The following DLG2 variants were observed in gnomAD, a reference collection of about 807,000 sequenced individuals.
DLG2 encodes the protein disks large homolog 2.
Under a neutral mutation model 132.5 loss-of-function variants are expected in DLG2, and 45 were observed. The observed-to-expected ratio is 0.34, with a 90% CI of 0.27 to 0.44. The LOEUF (loss-of-function observed/expected upper bound fraction) is 0.44, where lower values mean the gene tolerates loss of function less well. Ranked by LOEUF, DLG2 falls within the 20% of genes least tolerant of loss-of-function variation. The pLI is 1.00. For missense variants in DLG2, 1,045 were observed against 1,196.9 expected (o/e 0.87, Z 1.87); for synonymous variants, 424 against 419.6 (o/e 1.01, Z -0.13).
rs191869655 is a variant in DLG2, at chr11:85,506,198, T to C, written c.40+92459A>G. Among the ~76,000 whole-genome samples the C allele has an allele frequency of 3.5e-3, 539 of 152,320 alleles. 1 individual carries two copies. Among genetic ancestry groups the C allele is most frequent in the African/African-American group, 0.013 (523 of 41,568 alleles). ...GATTCATTGATTTTTTGAAGGGTTT[T>C]TTGTATCTCTGTCTCCTTCAGTTCT... On this transcript the variant is annotated intron_variant, in intron 3 of 27. Coordinates refer to ENST00000376104, the MANE Select transcript of DLG2 (RefSeq NM_001142699.3).
intron 18 of DLG2, among the ~76,000 whole-genome samples, chr11:83,754,768 G>T (rs1045912211): frequency 1.3e-5 from 2 of 151,480 alleles, no homozygotes; most frequent in South Asian, 4.1e-4. Flanking sequence ...ATGTGAAAAA[G>T]AAGTCATTAG....
At chr11:84,703,887 C>CGTGTGTGTGTGTGTGTGTGTGTGT (rs370287195) in intron 6 of DLG2, among the ~76,000 whole-genome samples, 1 of 114,746 alleles carries the variant, frequency 8.7e-6, no homozygotes, top group South Asian at 2.9e-4. Context: ...TATATATACA[C>CGTGTGTGTGTGTGTGTGTGTGTGT]GTGTGTGTGT....
intron 22 of DLG2, among the ~76,000 whole-genome samples, chr11:83,473,595 A>G (rs1241846406): frequency 6.6e-6 from 1 of 152,102 alleles, no homozygotes; most frequent in African/African-American, 2.4e-5. Flanking sequence ...CAAACCCGGA[A>G]GTGTCTGCAT....
intron 6 of DLG2, among the ~76,000 whole-genome samples, chr11:84,699,516 C>T (rs77876165): frequency 0.011 from 1,593 of 151,580 alleles, 12 homozygotes; most frequent in African/African-American, 0.018. Context: ...CCTAGACTAA[C>T]TCAAGCAAAG....
At chr11:84,651,734 A>G (rs1443406813) in intron 6 of DLG2, among the ~76,000 whole-genome samples, 3 of 152,190 alleles carry the variant, frequency 2.0e-5, no homozygotes, top group African/African-American at 7.2e-5. Flanking sequence ...TGTGACTTGT[A>G]TAATCTATGG....
chr11:85,295,501 T>C (rs2152779781), intron 3 of DLG2, among the ~76,000 whole-genome samples: 1 of 152,266 alleles, frequency 6.6e-6, no homozygotes, highest in Non-Finnish European at 1.5e-5. Flanking sequence ...TACACCCATG[T>C]TAGAGATGGA....
intron 3 of DLG2, among the ~76,000 whole-genome samples, chr11:85,493,100 C>G (rs757665612): frequency 7.9e-5 from 12 of 151,994 alleles, no homozygotes; most frequent in Non-Finnish European, 1.6e-4. Context: ...GTTGAAATAA[C>G]CAGAAACAAC....
At chr11:84,850,055 T>G (rs117287296) in intron 6 of DLG2, among the ~76,000 whole-genome samples, 7,661 of 152,174 alleles carry the variant, frequency 0.05, 230 homozygotes, top group Middle Eastern at 0.11. Flanking sequence ...TGATTAAAAA[T>G]TCCTTGATGG....
chr11:84,062,108 A>AT (rs1481125052), intron 10 of DLG2, among the ~76,000 whole-genome samples: 2 of 152,056 alleles, frequency 1.3e-5, no homozygotes, highest in Non-Finnish European at 2.9e-5. Flanking sequence ...TTCAAACTCT[A>AT]TTTTTTTCCT....
chr11:85,191,172 A>ACACACG (rs1229312574), intron 4 of DLG2, among the ~76,000 whole-genome samples: 3 of 147,004 alleles, frequency 2.0e-5, no homozygotes, highest in African/African-American at 7.6e-5. Flanking sequence ...GCACACACAC[A>ACACACG]CACACACACA....
intron 7 of DLG2, among the ~76,000 whole-genome samples, chr11:84,406,800 A>G (rs191906357): frequency 3.9e-5 from 6 of 152,310 alleles, no homozygotes; most frequent in Admixed American, 6.5e-5. Flanking sequence ...CTGTTTTTCA[A>G]TATCCTTCCA....
intron 11 of DLG2, among the ~76,000 whole-genome samples, chr11:84,038,768 T>A (rs2095955342): frequency 6.6e-6 from 1 of 152,036 alleles, no homozygotes; most frequent in Non-Finnish European, 1.5e-5. Context: ...TGACTCTCAG[T>A]TCAGCATGGC....
At chr11:85,515,103 G>C (rs1337234702) in intron 3 of DLG2, among the ~76,000 whole-genome samples, 3 of 151,902 alleles carry the variant, frequency 2.0e-5, no homozygotes, top group Middle Eastern at 3.4e-3. Flanking sequence ...AACTGGAGTT[G>C]GTAGGAAATA....
chr11:85,441,324 C>A (rs1353250342), intron 3 of DLG2, among the ~76,000 whole-genome samples: 6 of 152,238 alleles, frequency 3.9e-5, no homozygotes, highest in Non-Finnish European at 8.8e-5. Flanking sequence ...GTACCATCAT[C>A]CACACTTTCA....
At chr11:83,826,026 A>G (rs1379482889) in intron 17 of DLG2, among the ~76,000 whole-genome samples, 1 of 152,184 alleles carries the variant, frequency 6.6e-6, no homozygotes, top group Non-Finnish European at 1.5e-5. Context: ...GGCAGGGGCC[A>G]GACTCTGCAA....
intron 8 of DLG2, among the ~76,000 whole-genome samples, chr11:84,171,942 A>G (rs1014113569): frequency 1.3e-5 from 2 of 152,196 alleles, no homozygotes; most frequent in African/African-American, 4.8e-5. Flanking sequence ...TTCACTAAAG[A>G]TAGTGACCAA....
chr11:85,101,765 G>A (rs545059668), intron 6 of DLG2, among the ~76,000 whole-genome samples: 119 of 152,112 alleles, frequency 7.8e-4, no homozygotes, highest in African/African-American at 2.4e-3. Flanking sequence ...AGAACATTTC[G>A]TATTCAATTA....
intron 7 of DLG2, among the ~76,000 whole-genome samples, chr11:84,362,447 G>C (rs1049584490): frequency 1.1e-4 from 17 of 151,698 alleles, no homozygotes; most frequent in African/African-American, 4.1e-4. Context: ...TTTGTTCTAT[G>C]GGGAATTTAT....
intron 9 of DLG2, among the ~76,000 whole-genome samples, chr11:84,137,452 G>GT (rs1259031672): frequency 3.9e-5 from 6 of 152,032 alleles, no homozygotes; most frequent in Non-Finnish European, 8.8e-5. Context: ...GTGTGTGTGT[G>GT]TATGTGTGTG....
Sources: allele counts gnomAD v4.1 joint callset (sites outside exome capture counted in the v4.1 genomes callset), GRCh38; gene constraint gnomAD v4.1.1; transcripts MANE v1.5; gene names NCBI Gene and HGNC (gene_info 2026-07-23, HGNC 2026-07-21).